The following STPG2 variants were observed in gnomAD, a reference collection of about 807,000 sequenced individuals.
The protein encoded by STPG2 is sperm-tail PG-rich repeat-containing protein 2.
A neutral mutation model predicts 54.2 loss-of-function variants in STPG2; 56 were observed. The observed-to-expected ratio is 1.03, with a 90% CI of 0.83 to 1.29. The LOEUF is 1.29. STPG2 is among the 50% of genes most tolerant of loss of function. The pLI is 0.00. For missense variants in STPG2, 596 were observed against 544.9 expected (o/e 1.09, Z -0.93); for synonymous variants, 200 against 181.8 (o/e 1.10, Z -0.81).
chr4:98,000,073 G>A (rs1247219111), intron 5 of STPG2, among the ~76,000 whole-genome samples: 1 of 151,836 alleles, frequency 6.6e-6, no homozygotes, highest in African/African-American at 2.4e-5. Context: ...ATGAACCTGT[G>A]GATCATTCTA....
At chr4:97,588,147 G>A (rs1733046463) in intron 10 of STPG2, among the ~76,000 whole-genome samples, 1 of 151,920 alleles carries the variant, frequency 6.6e-6, no homozygotes, top group Non-Finnish European at 1.5e-5. Flanking sequence ...GGATGCCAAG[G>A]TGGGTAGATC....
rs138432558 is a variant in STPG2 at position 97,846,162 on chromosome 4, C to T, written c.1045-5230G>A. On this transcript the variant is annotated intron_variant, in intron 8 of 10. Coordinates refer to ENST00000295268, the MANE Select transcript of STPG2 (RefSeq NM_174952.3). ...TAAAATCTCCTGTAATCTAGTGATG[C>T]CTAGGAGACAAAGTCACACTAGAGC... 4.2e-3 allele frequency among the ~76,000 whole-genome samples: 641 copies of T among 152,058 alleles called. 3 individuals carry two copies. Among genetic ancestry groups the T allele is most frequent in the South Asian group, 0.024 (117 of 4,810 alleles).
chr4:97,556,789 TA>T (rs2148870837), downstream of STPG2, among the ~76,000 whole-genome samples: 1 of 152,306 alleles, frequency 6.6e-6, no homozygotes, highest in African/African-American at 2.4e-5. Flanking sequence ...TCTTTATAGT[TA>T]TTTTTTATAA....
At chr4:97,926,885 T>A (rs1732349613) in intron 8 of STPG2, among the ~76,000 whole-genome samples, 1 of 152,024 alleles carries the variant, frequency 6.6e-6, no homozygotes, top group South Asian at 2.1e-4. Context: ...TTTTTATAGC[T>A]AAAAATATAG....
At chr4:97,897,992 G>C (rs1313052034) in intron 8 of STPG2, among the ~76,000 whole-genome samples, 1 of 152,022 alleles carries the variant, frequency 6.6e-6, no homozygotes, top group African/African-American at 2.4e-5. Context: ...TCCTATTCCA[G>C]AATAGTATTG....
chr4:97,932,169 A>C (rs1369694280), intron 8 of STPG2, among the ~76,000 whole-genome samples: 1 of 151,912 alleles, frequency 6.6e-6, no homozygotes, highest in Admixed American at 6.6e-5. Flanking sequence ...TATGTATTTT[A>C]TTAATTTTTT....
At chr4:97,558,711 G>T (rs984244023), downstream of STPG2, among the ~76,000 whole-genome samples, 4 of 152,164 alleles carry the variant, frequency 2.6e-5, no homozygotes, top group African/African-American at 9.7e-5. Flanking sequence ...CACCTAGATT[G>T]CAGACTTGCA....
intron 8 of STPG2, among the ~76,000 whole-genome samples, chr4:97,857,140 T>C (rs1320734280): frequency 1.3e-5 from 2 of 152,104 alleles, no homozygotes; most frequent in African/African-American, 4.8e-5. Flanking sequence ...GTATCTCTGC[T>C]ATGTTTTGAT....
chr4:98,123,381 C>T lies in STPG2; in HGVS notation c.387+5047G>A, dbSNP rs183974844. The stretch of plus-strand genomic sequence containing the variant: ...TAGCTGCATCTCAGAGATTCTGGTA[C>T]ATTGTCTCTTTGTTCTCTTTAGTTT... On this transcript the variant is annotated intron_variant, in intron 3 of 10. Transcript: ENST00000295268. Among the ~76,000 whole-genome samples the T allele has an allele frequency of 4.4e-3, 671 of 152,210 alleles. 3 individuals are homozygous for T. Among genetic ancestry groups the T allele is most frequent in the South Asian group, 0.025 (121 of 4,822 alleles).
intron 4 of STPG2, among the ~76,000 whole-genome samples, chr4:97,488,836 G>A (rs528505406): frequency 6.6e-6 from 1 of 151,798 alleles, no homozygotes; most frequent in South Asian, 2.1e-4. Context: ...AAGATAACAT[G>A]GTCTAGCTGA....
At chr4:97,766,624 G>C (rs1410195519) in intron 9 of STPG2, among the ~76,000 whole-genome samples, 1 of 151,910 alleles carries the variant, frequency 6.6e-6, no homozygotes, top group Non-Finnish European at 1.5e-5. Context: ...AAACTAAAGA[G>C]TTTTAATAGC....
chr4:97,961,787 A>G (rs950423720), intron 7 of STPG2, among the ~76,000 whole-genome samples: 4 of 152,204 alleles, frequency 2.6e-5, no homozygotes, highest in Non-Finnish European at 5.9e-5. Context: ...ACCACTATGG[A>G]AAACATTATC....
chr4:98,019,777 C>A (rs1303783018), intron 5 of STPG2, among the ~76,000 whole-genome samples: 1 of 120,638 alleles, frequency 8.3e-6, no homozygotes, highest in Non-Finnish European at 1.8e-5. Flanking sequence ...CTCTTTGAAG[C>A]AATTGTGAAT....
intron 9 of STPG2, among the ~76,000 whole-genome samples, chr4:97,763,773 A>C (rs141607491): frequency 1.4e-4 from 21 of 152,236 alleles, no homozygotes; most frequent in Admixed American, 1.3e-3. Context: ...TATTATGCAA[A>C]TGTTGCTGAT....
intron 10 of STPG2, among the ~76,000 whole-genome samples, chr4:97,676,405 T>C (rs1290337886): frequency 6.6e-6 from 1 of 152,014 alleles, no homozygotes; most frequent in Non-Finnish European, 1.5e-5. Context: ...TCCAACAAGA[T>C]AATAAGCACC....
chr4:97,795,769 C>T (rs1377990076), intron 9 of STPG2, among the ~76,000 whole-genome samples: 8 of 152,262 alleles, frequency 5.3e-5, no homozygotes, highest in South Asian at 4.1e-4. Flanking sequence ...CCTGAGGAAT[C>T]GCCACACTGT....
rs552302297 is a variant in STPG2, at chr4:97,834,644, T to C, written c.1204+6129A>G. Among the ~76,000 whole-genome samples, 3 of 152,234 alleles carry C rather than the reference T, an allele frequency of 2.0e-5. No individual in the cohort carries two copies. In the East Asian group the frequency reaches 5.8e-4, roughly 29 times the overall value. On this transcript the variant is annotated intron_variant, in intron 9 of 10. Transcript: ENST00000295268. ...AGAAAAAAATATGTTTCAAGAAATA[T>C]GGTACACATGTTATTAGATGCTAGT... is the stretch of plus-strand genomic sequence containing the variant.
chr4:97,683,847 G>T lies in STPG2; in HGVS notation c.1320+28852C>A, dbSNP rs549372404. ...AATTTTCTTTGTTGGAAAATTATAT[G>T]TTGTCTATGTAGAAAATTTCAAAGA... On this transcript the variant is annotated intron_variant, in intron 10 of 10. Transcript: ENST00000295268. Among the ~76,000 whole-genome samples the T allele has an allele frequency of 3.3e-5, 5 of 151,884 alleles. No homozygotes were observed. The South Asian group carries it at 8.3e-4, about 25-fold the overall frequency.
chr4:97,785,516 G>A (rs1335650015), intron 9 of STPG2, among the ~76,000 whole-genome samples: 2 of 152,044 alleles, frequency 1.3e-5, no homozygotes, highest in African/African-American at 2.4e-5. Flanking sequence ...ATACGTTTGT[G>A]TTCATACAAT....
Sources: gnomAD v4.1 joint callset for allele counts (sites outside exome capture counted in the v4.1 genomes callset) on GRCh38, gnomAD v4.1.1 for gene constraint, MANE v1.5 for transcripts, NCBI Gene and HGNC (gene_info 2026-07-23, HGNC 2026-07-21) for gene names.